The following GSAP variants were observed in gnomAD, a reference collection of about 807,000 sequenced individuals.
GSAP encodes the protein gamma-secretase-activating protein.
GSAP carries 118 observed loss-of-function variants against 131.7 expected under a neutral mutation model. The ratio of observed to expected loss-of-function variants is 0.90; its 90% CI spans 0.77 to 1.04. GSAP has a LOEUF of 1.04. Ranked by LOEUF, GSAP falls within the 50% of genes least tolerant of loss-of-function variation. GSAP has a pLI of 0.00. For synonymous variants in GSAP, 381 were observed against 363.4 expected, an observed-to-expected ratio of 1.05 and a Z score of -0.55; for missense variants, 1,019 against 1,013.2, an observed-to-expected ratio of 1.01 and a Z score of -0.08.
chr7:77,355,287 A>C lies in GSAP; in HGVS notation c.1264T>G (p.Leu422Val). The change falls in exon 16 of 31, where the codon TTA becomes GTA. Residue 422 changes from leucine to valine, a missense_variant. Coordinates refer to ENST00000257626, the MANE Select transcript of GSAP (RefSeq NM_017439.4). Reference protein sequence around the residue: ...SLLQLLQNTCLDCEKMAALHC... With the variant: ...SLLQLLQNTCVDCEKMAALHC... ...AACGCAGCCATCTTCTCACAGTCTA[A>C]GCAAGTGTTCTGCAGAAGCTGTAAT... 2.5e-6 allele frequency: 4 copies of C among 1,614,094 alleles called. No individual in the cohort carries two copies. Among genetic ancestry groups the C allele is most frequent in the Non-Finnish European group, 3.4e-6 (4 of 1,179,970 alleles).
intron 3 of GSAP, among the ~76,000 whole-genome samples, chr7:77,397,992 CTTG>C (rs1237430828): frequency 5.3e-5 from 8 of 151,716 alleles, no homozygotes; most frequent in Non-Finnish European, 1.5e-5. Flanking sequence ...ATTTTTTTTC[CTTG>C]TTGTTGTTTA....
At chr7:77,352,728 C>T (rs1417686503) in intron 18 of GSAP, among the ~76,000 whole-genome samples, 2 of 152,152 alleles carry the variant, frequency 1.3e-5, no homozygotes, top group South Asian at 2.1e-4. Flanking sequence ...ACCCTGTGTA[C>T]CTGCTCCTTT....
intron 12 of GSAP, 96 bp downstream of exon 12, chr7:77,373,974 G>A (rs566610208): frequency 4.1e-6 from 3 of 728,122 alleles, no homozygotes; most frequent in Admixed American, 5.0e-5. Flanking sequence ...ATGTAGCTCT[G>A]TTCTATTTTC....
At position 77,334,580 on chromosome 7, in the gene GSAP, TAAA is replaced by T. The variant is rs57442782; in HGVS notation, c.1546-4216_1546-4214del. Among the ~76,000 whole-genome samples the T allele has an allele frequency of 1.5e-4, 12 of 81,918 alleles. No homozygotes were observed. In the Admixed American group the frequency reaches 1.8e-3, roughly 12 times the overall value. The allele number at this position is 81,918 out of a possible 152,430, so 53.7% of individuals were successfully genotyped here. A position where few individuals can be genotyped will look rare whatever the true frequency, so the allele number is the denominator to read the frequency against. ...CCCATGTATCCTGGAACTTAAAATT[TAAA>T]AAAAAAAAAAAAAAAAAAAAAAAGA... On this transcript the variant is annotated intron_variant, in intron 19 of 30. Transcript: ENST00000257626.
chr7:77,330,092 C>T (rs1788870571), intron 20 of GSAP, 147 bp downstream of exon 20: 2 of 933,958 alleles, frequency 2.1e-6, no homozygotes, highest in African/African-American at 1.7e-5. Context: ...CATCTCTGCC[C>T]ATTGAGATCA....
chr7:77,396,895 T>A (rs1434209963), intron 5 of GSAP, 87 bp downstream of exon 5: 1 of 682,208 alleles, frequency 1.5e-6, no homozygotes, highest in East Asian at 2.8e-5. Flanking sequence ...TTTCTAAAGA[T>A]GCTTGAAATT....
At position 77,313,016 on chromosome 7, in the gene GSAP, C is replaced by G. The variant is rs1380548093; in HGVS notation, c.2271+472G>C. Among the ~76,000 whole-genome samples, 3 of 152,274 alleles carry G rather than the reference C, an allele frequency of 2.0e-5. No individual in the cohort carries two copies. The East Asian group carries it at 5.8e-4, about 29-fold the overall frequency. On this transcript the variant is annotated intron_variant, in intron 28 of 30. Coordinates refer to ENST00000257626, the MANE Select transcript of GSAP (RefSeq NM_017439.4). Reference sequence around the variant, plus strand: ...TCATATTTTCATAGTATCTCTCACTCTAAGTGTTGATATTCCCTCATGTTT... The same window carrying G: ...TCATATTTTCATAGTATCTCTCACTGTAAGTGTTGATATTCCCTCATGTTT...
intron 19 of GSAP, among the ~76,000 whole-genome samples, chr7:77,337,173 G>C (rs1349023540): frequency 1.3e-5 from 2 of 151,802 alleles, no homozygotes; most frequent in East Asian, 3.9e-4. Flanking sequence ...TTGTTTGTGA[G>C]GTGGAGTCTT....
chr7:77,333,945 T>C (rs1395313994), intron 19 of GSAP, among the ~76,000 whole-genome samples: 6 of 152,026 alleles, frequency 3.9e-5, no homozygotes, highest in Non-Finnish European at 5.9e-5. Flanking sequence ...TGTGGAGAAA[T>C]AGAAATGCTT....
At chr7:77,390,367 T>A (rs955345525) in intron 5 of GSAP, among the ~76,000 whole-genome samples, 9 of 152,216 alleles carry the variant, frequency 5.9e-5, no homozygotes, top group Non-Finnish European at 1.0e-4. Flanking sequence ...CCCATGCCTA[T>A]GTCCTGAATG....
At chr7:77,320,320 G>A (rs907652982) in intron 26 of GSAP, among the ~76,000 whole-genome samples, 1 of 152,082 alleles carries the variant, frequency 6.6e-6, no homozygotes, top group Non-Finnish European at 1.5e-5. Flanking sequence ...AATTCCAAGG[G>A]AATTTTTTAG....
intron 19 of GSAP, among the ~76,000 whole-genome samples, chr7:77,337,989 G>A (rs1200935285): frequency 1.3e-5 from 2 of 151,860 alleles, no homozygotes; most frequent in East Asian, 1.9e-4. Context: ...TGTCTCTACA[G>A]GAAACAAACA....
chr7:77,311,719 T>C (rs1171917153), intron 30 of GSAP, 122 bp downstream of exon 30: 5 of 616,110 alleles, frequency 8.1e-6, no homozygotes, highest in South Asian at 4.1e-5. Flanking sequence ...TGTAAACCAA[T>C]TGCTATAAGG....
At chr7:77,333,439 T>C (rs963407266) in intron 19 of GSAP, among the ~76,000 whole-genome samples, 1 of 152,088 alleles carries the variant, frequency 6.6e-6, no homozygotes, top group Non-Finnish European at 1.5e-5. Flanking sequence ...CAGCTGCCCA[T>C]TGGAACCACC....
chr7:77,395,095 A>C (rs1256962684), intron 5 of GSAP, among the ~76,000 whole-genome samples: 4 of 152,264 alleles, frequency 2.6e-5, no homozygotes, highest in East Asian at 3.8e-4. Context: ...AATTGGCCTG[A>C]AAGTAAATTT....
intron 13 of GSAP, 46 bp downstream of exon 13, chr7:77,362,537 G>A (rs762415249): frequency 1.3e-5 from 13 of 1,030,446 alleles, no homozygotes; most frequent in Non-Finnish European, 2.0e-5. Context: ...GCTACTATTT[G>A]GAAAAAGTTA....
intron 24 of GSAP, among the ~76,000 whole-genome samples, chr7:77,321,691 C>T (rs1787667555): frequency 6.6e-6 from 1 of 152,202 alleles, no homozygotes; most frequent in South Asian, 2.1e-4. Context: ...TTACAGACCC[C>T]CATCCATCAG....
In GSAP at chr7:77,374,127, G is replaced by T. The variant is rs376096369; in HGVS notation, c.814C>A (p.Gln272Lys). Residue 272 changes from glutamine (Q) to lysine (K), a missense_variant, in exon 12 of 31, where the codon CAA becomes AAA. Coordinates refer to ENST00000257626, the MANE Select transcript of GSAP (RefSeq NM_017439.4). ...KLVNFGCDYH[Q>K]YRDKFSKHLT... ...TGTTTGGAAAATTTATCTCGGTATT[G>T]ATGATAATCACATCCAAAGTTGACA... 2.8e-4 allele frequency: 443 copies of T among 1,589,806 alleles called. 6 individuals are homozygous for T. The South Asian group carries it at 4.6e-3, about 17-fold the overall frequency.
chr7:77,336,863 G>A (rs1407917468), intron 19 of GSAP, among the ~76,000 whole-genome samples: 2 of 152,050 alleles, frequency 1.3e-5, no homozygotes, highest in African/African-American at 4.8e-5. Flanking sequence ...TAAAATTAAG[G>A]TTTATGGTAT....
Sources: gnomAD v4.1 joint callset for allele counts (sites outside exome capture counted in the v4.1 genomes callset) on GRCh38, gnomAD v4.1.1 for gene constraint, MANE v1.5 for transcripts, NCBI Gene and HGNC (gene_info 2026-07-23, HGNC 2026-07-21) for gene names.